Variants in SAR1B observed in about 807,000 individuals in gnomAD.
SAR1B encodes the protein small COPII coat GTPase SAR1B.
A neutral mutation model predicts 26.8 loss-of-function variants in SAR1B; 23 were observed. That is an observed-to-expected ratio of 0.86 (90% CI 0.62 to 1.22). SAR1B has a LOEUF of 1.22. SAR1B is among the 50% of genes most tolerant of loss of function. The probability of loss-of-function intolerance (pLI) is 0.00; values close to 1 mark genes in which losing one functional copy is unlikely to be tolerated. For synonymous variants in SAR1B, 65 were observed against 80.8 expected, an observed-to-expected ratio of 0.80 and a Z score of 1.05; for missense variants, 196 against 232.8, an observed-to-expected ratio of 0.84 and a Z score of 1.03.
chr5:134,613,622 TCAGA>T (rs1401795937), intron 3 of SAR1B: 1 of 152,218 alleles, frequency 6.6e-6, no homozygotes, highest in Non-Finnish European at 1.5e-5. Context: ...GTTAATCTCT[TCAGA>T]CAATTATTTG....
At position 134,609,620 on chromosome 5, in the gene SAR1B, A is replaced by C. The variant is rs1459447414; in HGVS notation, c.299T>G (p.Val100Gly). 6.2e-7 allele frequency: 1 copy of C among 1,614,188 alleles called. No homozygotes were observed. The highest frequency in any genetic ancestry group is 8.5e-7 in the Non-Finnish European group (1 of 1,180,022). Residue 100 changes from valine to glycine, a missense_variant, in exon 5 of 7, where the codon GTG (valine) becomes GGG (glycine). Val to Gly is a moderately radical substitution (Grantham distance 109). Coordinates refer to ENST00000402673, the MANE Select transcript of SAR1B (RefSeq NM_016103.4). ...CAGCCTTTCGTGGTCTGCACAATCCACCAGAAATACAATGCCATTGATAGC... is the reference window on the plus strand; with the variant it reads ...CAGCCTTTCGTGGTCTGCACAATCCCCCAGAAATACAATGCCATTGATAGC... ...LPAINGIVFL[V>G]DCADHERLLE...
chr5:134,617,600 T>G (rs544614835), intron 3 of SAR1B, among the ~76,000 whole-genome samples: 109 of 152,304 alleles, frequency 7.2e-4, no homozygotes, highest in Middle Eastern at 3.4e-3. Context: ...CGTCAAAAAA[T>G]TAAAAAATGA....
chr5:134,620,952 A>G lies in SAR1B; in HGVS notation c.159T>C (p.His53=), dbSNP rs1292106147. ...ACTTACTGGGATGTAATGTTGGGACATGTTGTCCAAGTCTGTCATCTTTTA... is the reference window on the plus strand; with the variant it reads ...ACTTACTGGGATGTAATGTTGGGACGTGTTGTCCAAGTCTGTCATCTTTTA... The part of the protein sequence containing the change: ...HMLKDDRLGQ[H]VPTLHPTSEE... Residue 53 remains histidine, a synonymous_variant, in exon 3 of 7, where the codon CAT becomes CAC. Coordinates refer to ENST00000402673, the MANE Select transcript of SAR1B (RefSeq NM_016103.4). 6.2e-7 allele frequency: 1 copy of G among 1,613,926 alleles called. No homozygotes were observed. Among genetic ancestry groups the G allele is most frequent in the Admixed American group, 1.7e-5 (1 of 60,020 alleles).
intron 1 of SAR1B, among the ~76,000 whole-genome samples, chr5:134,630,903 T>C (rs1219175941): frequency 3.5e-5 from 5 of 142,350 alleles, no homozygotes; most frequent in Non-Finnish European, 7.7e-5. Context: ...TTTTTTTTTT[T>C]TTTTTTTTTT....
intron 2 of SAR1B, 78 bp downstream of exon 2, chr5:134,623,884 G>T: frequency 1.0e-6 from 1 of 965,270 alleles, no homozygotes; most frequent in Non-Finnish European, 1.7e-6. Flanking sequence ...TATCTATAAA[G>T]AGACTTGACA....
chr5:134,606,928 C>A lies in SAR1B; in HGVS notation c.*22G>T. On this transcript the variant is annotated 3_prime_UTR_variant, in exon 7 of 7. Transcript: ENST00000402673. ...TCTGAGTAAGCCTGAACGTTGAGAC[C>A]TGGAACCAATGTGAGTTTGTGTTAA... 6.7e-7 allele frequency: 1 copy of A among 1,500,328 alleles called. No homozygotes were observed. Among genetic ancestry groups the A allele is most frequent in the Non-Finnish European group, 9.3e-7 (1 of 1,076,208 alleles). 92.9% of individuals were successfully genotyped at this position (1,500,328 alleles called of 1,614,324 possible).
chr5:134,607,166 G>C, intron 6 of SAR1B, 100 bp from the exon 7 acceptor site: 3 of 843,096 alleles, frequency 3.6e-6, no homozygotes, highest in Non-Finnish European at 4.1e-6. Flanking sequence ...AAGAATGGCT[G>C]TGATAAATCC....
rs1765071495 is a variant in SAR1B, at chr5:134,603,284, C to T, written c.*3666G>A. The T allele has an allele frequency of 6.6e-6, 1 of 152,160 alleles. No homozygotes were observed. Among genetic ancestry groups the T allele is most frequent in the Non-Finnish European group, 1.5e-5 (1 of 68,038 alleles). The allele number at this position is 152,160 out of a possible 1,614,324, so 9.4% of individuals were successfully genotyped here. ...CTGAAATACCACATTGAGTCACATA[C>T]CAAATACAGTTTCAGAAAATGTAAA... is the stretch of plus-strand genomic sequence containing the variant. On this transcript the variant is annotated 3_prime_UTR_variant, in exon 7 of 7. Transcript: ENST00000402673.
chr5:134,628,900 C>A (rs766354275), intron 1 of SAR1B, among the ~76,000 whole-genome samples: 14 of 152,040 alleles, frequency 9.2e-5, no homozygotes, highest in Non-Finnish European at 1.6e-4. Context: ...GAGATCCACT[C>A]GCCTCGGTGT....
In SAR1B at chr5:134,606,045, A is replaced by G. The variant is rs1406458559; in HGVS notation, c.*905T>C. The G allele has an allele frequency of 6.6e-6, 1 of 152,226 alleles. No homozygotes were observed. The highest frequency in any genetic ancestry group is 1.9e-4 in the East Asian group (1 of 5,198). The allele number at this position is 152,226 out of a possible 1,614,324, so 9.4% of individuals were successfully genotyped here. A position where few individuals can be genotyped will look rare whatever the true frequency, so the allele number is the denominator to read the frequency against. Reference sequence around the variant, plus strand: ...CAGATTACCCCATTGGGCACCAATAAGACTGGAGCACTTCAGAATTAGACA... The same window carrying G: ...CAGATTACCCCATTGGGCACCAATAGGACTGGAGCACTTCAGAATTAGACA... On this transcript the variant is annotated 3_prime_UTR_variant, in exon 7 of 7. Coordinates refer to ENST00000402673, the MANE Select transcript of SAR1B (RefSeq NM_016103.4).
At chr5:134,621,235 C>T (rs1341248820) in intron 2 of SAR1B, among the ~76,000 whole-genome samples, 183 bp from the exon 3 acceptor site, 2 of 152,208 alleles carry the variant, frequency 1.3e-5, no homozygotes, top group African/African-American at 2.4e-5. Context: ...TTTGGGAGGC[C>T]GAGGTGGGCG....
At chr5:134,630,236 A>G (rs1765578142) in intron 1 of SAR1B, among the ~76,000 whole-genome samples, 2 of 151,982 alleles carry the variant, frequency 1.3e-5, no homozygotes, top group African/African-American at 4.8e-5. Flanking sequence ...GGGGCGGATC[A>G]CCTGAGGTTG....
At chr5:134,611,325 A>G (rs1372068139) in intron 4 of SAR1B, among the ~76,000 whole-genome samples, 1 of 152,204 alleles carries the variant, frequency 6.6e-6, no homozygotes, top group Non-Finnish European at 1.5e-5. Flanking sequence ...AATCTTTTCA[A>G]CTATATGTCG....
chr5:134,627,544 ATCCCAGC>A (rs1765514246), intron 1 of SAR1B, among the ~76,000 whole-genome samples: 1 of 148,540 alleles, frequency 6.7e-6, no homozygotes, highest in Middle Eastern at 3.2e-3. Flanking sequence ...CACGCCTGTA[ATCCCAGC>A]ACTTTGGGAG....
chr5:134,632,554 T>A (rs1470102937), intron 1 of SAR1B, among the ~76,000 whole-genome samples, 174 bp downstream of exon 1: 6 of 152,184 alleles, frequency 3.9e-5, no homozygotes, highest in African/African-American at 1.2e-4. Flanking sequence ...CCGCGGAGCA[T>A]GGATGAGACC....
At chr5:134,630,456 C>CAAAAA (rs773343974) in intron 1 of SAR1B, among the ~76,000 whole-genome samples, 2 of 41,554 alleles carry the variant, frequency 4.8e-5, no homozygotes, top group African/African-American at 9.0e-5. Flanking sequence ...AACTCTATCT[C>CAAAAA]AAAAAAAAAA....
rs543671306 is a variant in SAR1B at position 134,603,949 on chromosome 5, C to T, written c.*3001G>A. The T allele has an allele frequency of 1.3e-5, 2 of 152,310 alleles. No individual in the cohort carries two copies. The highest frequency in any genetic ancestry group is 2.9e-5 in the Non-Finnish European group (2 of 68,030). 9.4% of individuals were successfully genotyped at this position (152,310 alleles called of 1,614,324 possible). ...CACAAAACTAAAATTTAGGTCTGCA[C>T]AGGCAGTATCTGTGTTCATATATCT... On this transcript the variant is annotated 3_prime_UTR_variant, in exon 7 of 7. Transcript: ENST00000402673.
chr5:134,629,724 C>CA (rs996356089), intron 1 of SAR1B, among the ~76,000 whole-genome samples: 52 of 142,588 alleles, frequency 3.6e-4, no homozygotes, highest in Middle Eastern at 3.5e-3. Context: ...AACAAACAAA[C>CA]AAAAAAAAAC....
chr5:134,607,783 A>G (rs998205598), intron 6 of SAR1B, among the ~76,000 whole-genome samples: 12 of 151,454 alleles, frequency 7.9e-5, no homozygotes, highest in Non-Finnish European at 1.6e-4. Flanking sequence ...AAAAAAAAAA[A>G]AAAAGAGCCT....
Sources: gnomAD v4.1 joint callset for allele counts (sites outside exome capture counted in the v4.1 genomes callset) on GRCh38, gnomAD v4.1.1 for gene constraint, MANE v1.5 for transcripts, NCBI Gene and HGNC (gene_info 2026-07-23, HGNC 2026-07-21) for gene names.